CPA6: variants seen among roughly 807,000 people sequenced by gnomAD.
CPA6 encodes carboxypeptidase A6, also known as carboxypeptidase B.
Under a neutral mutation model 63.3 loss-of-function variants are expected in CPA6, and 58 were observed. The observed-to-expected ratio is 0.92, with a 90% CI of 0.74 to 1.14. The LOEUF (loss-of-function observed/expected upper bound fraction) is 1.14. CPA6 is among the 50% of genes most tolerant of loss of function. CPA6 has a pLI of 0.00. For synonymous variants in CPA6, 185 were observed against 179.0 expected, an observed-to-expected ratio of 1.03 and a Z score of -0.27; for missense variants, 565 against 526.6, an observed-to-expected ratio of 1.07 and a Z score of -0.71.
chr8:67,717,511 G>A (rs780572818), intron 1 of CPA6, among the ~76,000 whole-genome samples: 12 of 152,288 alleles, frequency 7.9e-5, no homozygotes, highest in Non-Finnish European at 1.5e-4. Context: ...GCACTCCCAA[G>A]AGATAACCAC....
chr8:67,674,983 A>T (rs1816437632), intron 1 of CPA6, among the ~76,000 whole-genome samples: 1 of 152,152 alleles, frequency 6.6e-6, no homozygotes. Context: ...GGTACACATG[A>T]ATATAAACAT....
At chr8:67,475,829 TTCTTTC>T (rs1563967637) in intron 8 of CPA6, among the ~76,000 whole-genome samples, 48 of 65,256 alleles carry the variant, frequency 7.4e-4, no homozygotes, top group African/African-American at 3.4e-3. Flanking sequence ...TTTCTTTTCT[TTCTTTC>T]TTTCTTTCTT....
chr8:67,724,677 C>T (rs1587730556), intron 1 of CPA6, among the ~76,000 whole-genome samples: 1 of 152,206 alleles, frequency 6.6e-6, no homozygotes, highest in Non-Finnish European at 1.5e-5. Context: ...AGTCTAATGT[C>T]CTACATACAA....
intron 6 of CPA6, among the ~76,000 whole-genome samples, chr8:67,501,352 G>C (rs781649888): frequency 2.0e-5 from 3 of 151,946 alleles, no homozygotes; most frequent in Non-Finnish European, 2.9e-5. Context: ...AAAAATTCCA[G>C]TGTCCACGTG....
chr8:67,648,333 T>C (rs1815761808), intron 1 of CPA6, among the ~76,000 whole-genome samples: 1 of 151,602 alleles, frequency 6.6e-6, no homozygotes, highest in Admixed American at 6.6e-5. Flanking sequence ...AAATTAGTAT[T>C]TACATTTTCA....
At position 67,646,535 on chromosome 8, in the gene CPA6, A is replaced by G. The variant is rs147200888; in HGVS notation, c.117-22284T>C. ...GAGGTGCTGTGGAGTTGTCAAGGAG[A>G]AGATCTTGGGAGAGAAAAAAGACAT... On this transcript the variant is annotated intron_variant, in intron 1 of 10. Transcript: ENST00000297770. 1.8e-4 allele frequency among the ~76,000 whole-genome samples: 27 copies of G among 152,298 alleles called. No individual in the cohort carries two copies. The East Asian group carries it at 5.2e-3, about 29-fold the overall frequency.
At chr8:67,595,982 C>T (rs572105385) in intron 2 of CPA6, among the ~76,000 whole-genome samples, 159 of 152,340 alleles carry the variant, frequency 1.0e-3, no homozygotes, top group African/African-American at 3.5e-3. Context: ...GCGTCGCTCA[C>T]GCTGGGAGCT....
intron 1 of CPA6, among the ~76,000 whole-genome samples, chr8:67,664,198 T>C (rs984643926): frequency 6.6e-6 from 1 of 152,236 alleles, no homozygotes; most frequent in Non-Finnish European, 1.5e-5. Context: ...AAGACTGCCA[T>C]TCTTAAATTC....
chr8:67,740,920 GT>G (rs1817901035), intron 1 of CPA6, among the ~76,000 whole-genome samples: 1 of 152,112 alleles, frequency 6.6e-6, no homozygotes, highest in Non-Finnish European at 1.5e-5. Context: ...TCTGTGAATA[GT>G]CATATCCTGT....
At chr8:67,630,358 G>T (rs1236831523) in intron 1 of CPA6, among the ~76,000 whole-genome samples, 2 of 151,974 alleles carry the variant, frequency 1.3e-5, no homozygotes, top group Non-Finnish European at 2.9e-5. Context: ...GATGTGGGGG[G>T]AAACTGAGTA....
At chr8:67,522,368 C>T (rs942072630) in intron 2 of CPA6, among the ~76,000 whole-genome samples, 1 of 152,190 alleles carries the variant, frequency 6.6e-6, no homozygotes, top group Non-Finnish European at 1.5e-5. Context: ...GCTCACTCTC[C>T]AGTGTCAGTG....
chr8:67,596,399 G>A (rs1814336074), intron 2 of CPA6, among the ~76,000 whole-genome samples: 1 of 152,144 alleles, frequency 6.6e-6, no homozygotes, highest in African/African-American at 2.4e-5. Context: ...GAAATTAGCT[G>A]TTAAGCTGCT....
intron 8 of CPA6, among the ~76,000 whole-genome samples, chr8:67,440,942 A>G (rs1810281527): frequency 6.6e-6 from 1 of 152,114 alleles, no homozygotes; most frequent in Admixed American, 6.6e-5. Flanking sequence ...CTCTCTTCTT[A>G]TTGTAAGGAC....
At chr8:67,649,634 A>AT (rs1815792267) in intron 1 of CPA6, among the ~76,000 whole-genome samples, 2 of 152,162 alleles carry the variant, frequency 1.3e-5, no homozygotes, top group African/African-American at 4.8e-5. Context: ...CTAAGGTTGA[A>AT]TTTTTTTAAG....
chr8:67,458,253 G>A (rs1239751866), intron 8 of CPA6, among the ~76,000 whole-genome samples: 1 of 152,192 alleles, frequency 6.6e-6, no homozygotes. Context: ...TTGGAGTGCA[G>A]TGGTGCAATC....
intron 8 of CPA6, among the ~76,000 whole-genome samples, chr8:67,475,903 TTTCTTTCTTTCTTTC>T (rs1250719313): frequency 1.0e-5 from 1 of 97,268 alleles, no homozygotes; most frequent in Non-Finnish European, 2.1e-5. Flanking sequence ...TCTTTCTTTC[TTTCTTTCTTTCTTTC>T]TTTCTTTCTT....
chr8:67,477,846 C>A (rs1811276489), intron 8 of CPA6, among the ~76,000 whole-genome samples: 1 of 152,190 alleles, frequency 6.6e-6, no homozygotes, highest in South Asian at 2.1e-4. Flanking sequence ...CTGAGCTTAC[C>A]TTGAAGCCAG....
intron 2 of CPA6, among the ~76,000 whole-genome samples, chr8:67,588,012 C>T (rs1813993873): frequency 6.6e-6 from 1 of 152,074 alleles, no homozygotes; most frequent in Admixed American, 6.6e-5. Context: ...TACAGGTGTG[C>T]TTGAGGTAAA....
At chr8:67,725,986 T>C (rs1010239450) in intron 1 of CPA6, among the ~76,000 whole-genome samples, 39 of 152,320 alleles carry the variant, frequency 2.6e-4, no homozygotes, top group Non-Finnish European at 4.3e-4. Context: ...ATTTGCGCTA[T>C]GATCTGTCAC....
Sources: allele counts gnomAD v4.1 joint callset (sites outside exome capture counted in the v4.1 genomes callset), GRCh38; gene constraint gnomAD v4.1.1; transcripts MANE v1.5; gene names NCBI Gene and HGNC (gene_info 2026-07-23, HGNC 2026-07-21).